Variants in DIAPH3 observed in about 807,000 individuals in gnomAD.
DIAPH3 encodes the protein diaphanous related formin 3.
DIAPH3 carries 117 observed loss-of-function variants against 144.3 expected under a neutral mutation model. That is an observed-to-expected ratio of 0.81 (90% CI 0.70 to 0.95). DIAPH3 has a LOEUF of 0.95. Ranked by LOEUF, DIAPH3 falls within the 40% of genes least tolerant of loss-of-function variation. DIAPH3 has a pLI of 0.00. For synonymous variants in DIAPH3, 519 were observed against 488.9 expected (o/e 1.06, Z -0.81); for missense variants, 1,421 against 1,412.7 (o/e 1.01, Z -0.09).
chr13:59,778,269 A>G (rs992919429), intron 25 of DIAPH3, among the ~76,000 whole-genome samples: 1 of 152,210 alleles, frequency 6.6e-6, no homozygotes, highest in African/African-American at 2.4e-5. Context: ...AGTGGTCTGT[A>G]ATACATATAC....
At chr13:60,073,266 G>A (rs574548974) in intron 4 of DIAPH3, among the ~76,000 whole-genome samples, 174 of 151,476 alleles carry the variant, frequency 1.1e-3, no homozygotes, top group Non-Finnish European at 2.1e-3. Context: ...CCGAGGCGGC[G>A]CCACTGCACT....
chr13:60,076,023 TAAG>T (rs912761711), intron 4 of DIAPH3, among the ~76,000 whole-genome samples: 5 of 152,228 alleles, frequency 3.3e-5, no homozygotes, highest in African/African-American at 7.2e-5. Context: ...AAATTCCTCC[TAAG>T]ACAAGTCACA....
At chr13:60,067,842 T>G (rs569620668) in intron 4 of DIAPH3, among the ~76,000 whole-genome samples, 1 of 152,176 alleles carries the variant, frequency 6.6e-6, no homozygotes, top group African/African-American at 2.4e-5. Context: ...AATAAAGTAA[T>G]CCATGTAAAA....
At chr13:59,722,894 C>T (rs1160433162) in intron 27 of DIAPH3, among the ~76,000 whole-genome samples, 1 of 152,160 alleles carries the variant, frequency 6.6e-6, no homozygotes, top group Admixed American at 6.5e-5. Flanking sequence ...CTCCTAATGA[C>T]CCCGAATCCA....
intron 14 of DIAPH3, among the ~76,000 whole-genome samples, chr13:59,978,442 A>G (rs2050797098): frequency 6.6e-6 from 1 of 151,772 alleles, no homozygotes; most frequent in Admixed American, 6.6e-5. Context: ...GAATTATGAA[A>G]TATCTATTTC....
At chr13:59,873,978 C>T (rs191241585) in intron 21 of DIAPH3, among the ~76,000 whole-genome samples, 1 of 152,194 alleles carries the variant, frequency 6.6e-6, no homozygotes, top group Admixed American at 6.5e-5. Context: ...GGCCTCACCA[C>T]TCATTCTTAA....
chr13:59,851,278 C>T (rs570506500), intron 22 of DIAPH3, among the ~76,000 whole-genome samples: 76 of 152,302 alleles, frequency 5.0e-4, no homozygotes, highest in African/African-American at 1.8e-3. Flanking sequence ...CCCTCTGCTC[C>T]AGTCTCACTT....
chr13:60,053,345 T>C (rs2056432159), intron 4 of DIAPH3, among the ~76,000 whole-genome samples: 1 of 152,116 alleles, frequency 6.6e-6, no homozygotes. Context: ...GATAAGGATG[T>C]CTGCCTGACA....
intron 24 of DIAPH3, among the ~76,000 whole-genome samples, chr13:59,813,139 C>T (rs541651821): frequency 1.4e-4 from 21 of 149,314 alleles, no homozygotes; most frequent in Non-Finnish European, 1.9e-4. Flanking sequence ...GGCGCAGAAA[C>T]CTAAAAAAAA....
chr13:59,919,122 T>C (rs1220246462), intron 18 of DIAPH3, among the ~76,000 whole-genome samples: 1 of 151,882 alleles, frequency 6.6e-6, no homozygotes, highest in African/African-American at 2.4e-5. Context: ...TTTAAAAATA[T>C]ACTGTAAGAG....
rs867774111 is a variant in DIAPH3 at position 60,015,930 on chromosome 13, C to T, written c.754G>A (p.Ala252Thr). ...NQHKVIQCLK[A>T]LMNTQYGLER... ...GTACATACCTGCGTATTCATCAGGG[C>T]TTTTAGACACTGTATGACTTTATGT... is the stretch of plus-strand genomic sequence containing the variant. The change falls in exon 7 of 28, where the codon GCC (alanine) becomes ACC (threonine). Residue 252 changes from alanine to threonine, a missense_variant. Coordinates refer to ENST00000400324, the MANE Select transcript of DIAPH3 (RefSeq NM_001042517.2). 4 of 1,613,072 alleles carry T rather than the reference C, an allele frequency of 2.5e-6. No homozygotes were observed. The highest frequency in any genetic ancestry group is 3.4e-6 in the Non-Finnish European group (4 of 1,179,682).
At chr13:59,706,673 T>G (rs2138794413) in intron 27 of DIAPH3, among the ~76,000 whole-genome samples, 2 of 152,312 alleles carry the variant, frequency 1.3e-5, no homozygotes, top group South Asian at 4.1e-4. Flanking sequence ...AGCTACCACT[T>G]TAAGAGACTA....
At chr13:59,771,837 C>CA (rs2038138067) in intron 27 of DIAPH3, among the ~76,000 whole-genome samples, 2 of 151,880 alleles carry the variant, frequency 1.3e-5, no homozygotes, top group Admixed American at 6.6e-5. Flanking sequence ...GGGTAATATG[C>CA]ATAAAATATT....
At chr13:60,109,755 A>G (rs1042593105) in intron 3 of DIAPH3, among the ~76,000 whole-genome samples, 2 of 152,238 alleles carry the variant, frequency 1.3e-5, no homozygotes, top group Admixed American at 6.5e-5. Context: ...ACTTACACCT[A>G]TCATGTTCAC....
At chr13:60,148,844 C>T (rs1317758719) in intron 1 of DIAPH3, among the ~76,000 whole-genome samples, 1 of 152,198 alleles carries the variant, frequency 6.6e-6, no homozygotes, top group East Asian at 1.9e-4. Context: ...GATTATGCTA[C>T]ATGAACTCCC....
At chr13:59,951,704 T>C (rs546238202) in intron 17 of DIAPH3, among the ~76,000 whole-genome samples, 1 of 152,252 alleles carries the variant, frequency 6.6e-6, no homozygotes, top group South Asian at 2.1e-4. Context: ...AGCATCACTT[T>C]CAGTAAAATT....
chr13:60,124,806 C>A (rs1053925496), intron 2 of DIAPH3, among the ~76,000 whole-genome samples: 9 of 151,898 alleles, frequency 5.9e-5, no homozygotes, highest in African/African-American at 1.9e-4. Flanking sequence ...TGCACCACTG[C>A]CCTGGGTGAC....
At position 60,054,883 on chromosome 13, in the gene DIAPH3, A is replaced by G. The variant is rs149867317; in HGVS notation, c.496-12063T>C. 3.6e-3 allele frequency among the ~76,000 whole-genome samples: 540 copies of G among 152,080 alleles called. 4 individuals carry two copies. Among genetic ancestry groups the G allele is most frequent in the African/African-American group, 0.013 (524 of 41,568 alleles). ...ACTCATTTTCAGAACATATACAAAC[A>G]GATCTCCAGTGCCAATAAAATCTGT... On this transcript the variant is annotated intron_variant, in intron 4 of 27. Transcript: ENST00000400324.
Position 59,991,283 on chromosome 13 carries a change from A to G in DIAPH3, c.1245-9T>C. 6.6e-7 allele frequency: 1 copy of G among 1,516,552 alleles called. No homozygotes were observed. The highest frequency in any genetic ancestry group is 9.2e-7 in the Non-Finnish European group (1 of 1,092,608). 93.9% of individuals were successfully genotyped at this position (1,516,552 alleles called of 1,614,324 possible). A position where few individuals can be genotyped will look rare whatever the true frequency, so the allele number is the denominator to read the frequency against. On this transcript the variant is annotated splice_polypyrimidine_tract_variant and intron_variant, in intron 11 of 27. Transcript: ENST00000400324. ...AAACATCATATGCTTCAGTGAGTTG[A>G]TTAAGGAATATATGGATTTATTTAT...
Sources: gnomAD v4.1 joint callset for allele counts (sites outside exome capture counted in the v4.1 genomes callset) on GRCh38, gnomAD v4.1.1 for gene constraint, MANE v1.5 for transcripts, NCBI Gene and HGNC (gene_info 2026-07-23, HGNC 2026-07-21) for gene names.